The following SNTB2 variants were observed in gnomAD, a reference collection of about 807,000 sequenced individuals.
SNTB2 encodes the protein syntrophin beta 2.
In SNTB2, 34 loss-of-function variants were observed where a neutral mutation model predicts 46.2. The observed-to-expected ratio is 0.74, with a 90% CI of 0.56 to 0.98. The LOEUF (loss-of-function observed/expected upper bound fraction) is 0.98. Ranked by LOEUF, SNTB2 falls within the 50% of genes least tolerant of loss-of-function variation. The pLI, the probability that SNTB2 is intolerant of heterozygous loss-of-function variation, is 0.00. For synonymous variants in SNTB2, 290 were observed against 312.6 expected (o/e 0.93, Z 0.76); for missense variants, 603 against 731.4 (o/e 0.82, Z 2.02).
intron 1 of SNTB2, among the ~76,000 whole-genome samples, chr16:69,205,318 T>G (rs1386213736): frequency 2.4e-5 from 2 of 82,154 alleles, no homozygotes. Flanking sequence ...CTTGGCAAAT[T>G]TTTTTTTTTT....
At chr16:69,190,943 A>G (rs964444899) in intron 1 of SNTB2, among the ~76,000 whole-genome samples, 2 of 152,172 alleles carry the variant, frequency 1.3e-5, no homozygotes, top group Non-Finnish European at 2.9e-5. Flanking sequence ...AGCAATGAAC[A>G]GCACAGGTCT....
chr16:69,196,360 TTTTTC>T (rs199721129), intron 1 of SNTB2, among the ~76,000 whole-genome samples: 3,018 of 151,552 alleles, frequency 0.02, 127 homozygotes, highest in African/African-American at 0.069. Context: ...CACAACTTTG[TTTTTC>T]TTTTCTTTTT....
intron 3 of SNTB2, among the ~76,000 whole-genome samples, chr16:69,265,319 C>G (rs1324954240): frequency 6.6e-6 from 1 of 152,166 alleles, no homozygotes; most frequent in Non-Finnish European, 1.5e-5. Context: ...CCTTTTAACT[C>G]TCAAAGTGCA....
At position 69,187,229 on chromosome 16, in the gene SNTB2, G is replaced by T; in HGVS notation, c.63G>T (p.Arg21=). ...GAGPAMAVWT[R]ATKAGLVELL... is the part of the protein sequence containing the mutation. ...GGCCGGCCATGGCGGTGTGGACGCG[G>T]GCCACCAAAGCGGGGCTGGTGGAGC... Residue 21 remains arginine (R), a synonymous_variant, in exon 1 of 7, where the codon CGG becomes CGT. Transcript: ENST00000336278. 6.9e-7 allele frequency: 1 copy of T among 1,451,978 alleles called. No individual in the cohort carries two copies. The highest frequency in any genetic ancestry group is 1.5e-5 in the African/African-American group (1 of 68,660). The allele number at this position is 1,451,978 out of a possible 1,614,324, so 89.9% of individuals were successfully genotyped here. A position where few individuals can be genotyped will look rare whatever the true frequency, so the allele number is the denominator to read the frequency against.
At chr16:69,279,515 CTTTTTTTTT>C (rs57637291) in intron 4 of SNTB2, among the ~76,000 whole-genome samples, 9 of 71,736 alleles carry the variant, frequency 1.3e-4, no homozygotes, top group African/African-American at 2.7e-4. Flanking sequence ...GTCCTTTGCC[CTTTTTTTTT>C]TTTTTTTTTT....
intron 5 of SNTB2, among the ~76,000 whole-genome samples, chr16:69,298,602 A>C (rs1219949596): frequency 7.0e-6 from 1 of 143,060 alleles, no homozygotes; most frequent in Admixed American, 7.3e-5. Context: ...TCTCACTGCA[A>C]CCTCTGCCTC....
chr16:69,243,630 G>A (rs1478465213), intron 1 of SNTB2, among the ~76,000 whole-genome samples: 2 of 152,110 alleles, frequency 1.3e-5, no homozygotes, highest in Non-Finnish European at 2.9e-5. Context: ...TGTTCAAAAA[G>A]CATGCCTCTG....
chr16:69,296,222 G>T (rs534308138), intron 5 of SNTB2, among the ~76,000 whole-genome samples: 2 of 151,946 alleles, frequency 1.3e-5, no homozygotes, highest in Non-Finnish European at 2.9e-5. Context: ...AGAGGTTGTG[G>T]TGAGCTAAGA....
intron 4 of SNTB2, among the ~76,000 whole-genome samples, chr16:69,274,699 C>G (rs569877728): frequency 6.6e-6 from 1 of 151,112 alleles, no homozygotes; most frequent in African/African-American, 2.4e-5. Flanking sequence ...TGCCATGGCA[C>G]GTGCCTGTAA....
chr16:69,251,180 G>A (rs1215476413), intron 2 of SNTB2, among the ~76,000 whole-genome samples: 6 of 150,732 alleles, frequency 4.0e-5, no homozygotes, highest in East Asian at 4.1e-4. Flanking sequence ...GGGTTTCACC[G>A]TTTTAGCCGG....
chr16:69,216,692 C>G (rs942636254), intron 1 of SNTB2, among the ~76,000 whole-genome samples: 3 of 151,516 alleles, frequency 2.0e-5, no homozygotes, highest in Admixed American at 1.3e-4. Context: ...TGCCCCCCCC[C>G]CAAAAAAAAA....
chr16:69,294,336 G>A (rs1965202790), intron 5 of SNTB2, among the ~76,000 whole-genome samples: 1 of 151,892 alleles, frequency 6.6e-6, no homozygotes, highest in Non-Finnish European at 1.5e-5. Context: ...AATTTTTAAA[G>A]TTACATCATG....
chr16:69,252,903 GTTT>G (rs35211076), intron 2 of SNTB2, among the ~76,000 whole-genome samples: 1 of 133,284 alleles, frequency 7.5e-6, no homozygotes. Flanking sequence ...CCCTTTGTCA[GTTT>G]TTTTTTTTTT....
intron 3 of SNTB2, among the ~76,000 whole-genome samples, chr16:69,264,509 G>A (rs924736640): frequency 1.3e-5 from 2 of 151,994 alleles, no homozygotes; most frequent in Admixed American, 1.3e-4. Context: ...ACAGTACTAG[G>A]GCAATAAACA....
intron 3 of SNTB2, among the ~76,000 whole-genome samples, chr16:69,264,502 G>GTA (rs2143102476): frequency 6.6e-6 from 1 of 152,256 alleles, no homozygotes; most frequent in South Asian, 2.1e-4. Flanking sequence ...GCACAAAACA[G>GTA]TACTAGGGCA....
At chr16:69,272,203 A>G (rs1964943937) in intron 4 of SNTB2, among the ~76,000 whole-genome samples, 1 of 152,176 alleles carries the variant, frequency 6.6e-6, no homozygotes, top group Admixed American at 6.6e-5. Flanking sequence ...ATGGGAGAAA[A>G]TATTTGAAAA....
Position 69,307,767 on chromosome 16 carries a change from G to A in SNTB2, c.*6843G>A, listed in dbSNP as rs1965326597. ...CCAGACCAGCCTGGGCAACACAGCG[G>A]GACCCCGACTCCATTTAAAAAATTA... On this transcript the variant is annotated 3_prime_UTR_variant, in exon 7 of 7. Transcript: ENST00000336278. 1 of 150,288 alleles carries A rather than the reference G, an allele frequency of 6.7e-6. No individual in the cohort carries two copies. Among genetic ancestry groups the A allele is most frequent in the Non-Finnish European group, 1.5e-5 (1 of 67,818 alleles). The allele number at this position is 150,288 out of a possible 1,614,324, so 9.3% of individuals were successfully genotyped here.
At chr16:69,295,209 T>G (rs1259344035) in intron 5 of SNTB2, among the ~76,000 whole-genome samples, 1 of 149,846 alleles carries the variant, frequency 6.7e-6, no homozygotes, top group Non-Finnish European at 1.5e-5. Context: ...ACAACCCTGT[T>G]AAACAAAATC....
intron 1 of SNTB2, among the ~76,000 whole-genome samples, chr16:69,219,042 T>C (rs925771057): frequency 6.6e-6 from 1 of 152,142 alleles, no homozygotes; most frequent in African/African-American, 2.4e-5. Context: ...GCAAGGGGCA[T>C]TGGAGAAGTG....
Sources: allele counts gnomAD v4.1 joint callset (sites outside exome capture counted in the v4.1 genomes callset), GRCh38; gene constraint gnomAD v4.1.1; transcripts MANE v1.5; gene names NCBI Gene and HGNC (gene_info 2026-07-23, HGNC 2026-07-21).